Variants in SNRNP70 observed in about 807,000 individuals in gnomAD.
SNRNP70 encodes the protein small nuclear ribonucleoprotein U1 subunit 70.
A neutral mutation model predicts 50.5 loss-of-function variants in SNRNP70; 8 were observed. That is an observed-to-expected ratio of 0.16 (90% CI 0.09 to 0.29). The LOEUF (loss-of-function observed/expected upper bound fraction) is 0.29, where lower values mean the gene tolerates loss of function less well. Ranked by LOEUF, SNRNP70 falls within the 10% of genes least tolerant of loss-of-function variation. SNRNP70 has a pLI of 1.00. For synonymous variants in SNRNP70, 320 were observed against 252.9 expected (o/e 1.27, Z -2.52); for missense variants, 529 against 663.5 (o/e 0.80, Z 2.23).
rs1230579901 is a variant in SNRNP70 at position 49,104,549 on chromosome 19, C to T, written c.476-85C>T. 1.3e-5 allele frequency: 13 copies of T among 1,012,004 alleles called. No individual in the cohort carries two copies. The highest frequency in any genetic ancestry group is 1.0e-4 in the Admixed American group (5 of 49,836). The allele number at this position is 1,012,004 out of a possible 1,614,324, so 62.7% of individuals were successfully genotyped here. A position where few individuals can be genotyped will look rare whatever the true frequency, so the allele number is the denominator to read the frequency against. ...TGTGCGTGATGATGGGGACACGGGGCGGGGATTCTGTAGAGCTGGGCCTGT... is the reference window on the plus strand; with the variant it reads ...TGTGCGTGATGATGGGGACACGGGGTGGGGATTCTGTAGAGCTGGGCCTGT... On this transcript the variant is annotated intron_variant, in intron 7 of 9. Coordinates refer to ENST00000598441, the MANE Select transcript of SNRNP70 (RefSeq NM_003089.6). The surrounding 1 kb of genome is among the most constrained non-coding windows in gnomAD (Gnocchi z 5.4).
chr19:49,107,547 C>G lies in SNRNP70; in HGVS notation c.578-78C>G. 1 of 1,406,628 alleles carries G rather than the reference C, an allele frequency of 7.1e-7. No homozygotes were observed. Among genetic ancestry groups the G allele is most frequent in the South Asian group, 1.2e-5 (1 of 86,018 alleles). 87.1% of individuals were successfully genotyped at this position (1,406,628 alleles called of 1,614,324 possible). ...AGGGGCTGCCTTCCTGCCCTTTGCT[C>G]TTGGAGTCGGCTCATTTCTGCTCCT... On this transcript the variant is annotated intron_variant, in intron 8 of 9. Transcript: ENST00000598441. The surrounding 1 kb of genome is among the most constrained non-coding windows in gnomAD (Gnocchi z 6.0).
In SNRNP70 at chr19:49,108,314, G is replaced by C; in HGVS notation, c.1185G>C (p.Gly395=). The C allele has an allele frequency of 6.3e-7, 1 of 1,591,770 alleles. No homozygotes were observed. The highest frequency in any genetic ancestry group is 1.1e-5 in the South Asian group (1 of 88,134). ...GGGGCAGGGATGAGGCCCGAGGTGG[G>C]GGCGGTGGCCAGGACAACGGGCTGG... The part of the protein sequence containing the change: ...SERGRDEARG[G]GGGQDNGLEG... The change falls in exon 10 of 10, where the codon GGG becomes GGC. Residue 395 remains glycine (G), a synonymous_variant. Transcript: ENST00000598441.
At chr19:49,086,606 C>T (rs979311385) in intron 2 of SNRNP70, 45 bp downstream of exon 2, 1 of 1,588,066 alleles carries the variant, frequency 6.3e-7, no homozygotes, top group African/African-American at 1.3e-5. Flanking sequence ...TTCTGGGGAG[C>T]AACGGGTTGG....
rs148087681 is a variant in SNRNP70, at chr19:49,107,377, G to A, written c.578-248G>A. Among the ~76,000 whole-genome samples the A allele has an allele frequency of 2.0e-5, 3 of 152,356 alleles. No homozygotes were observed. Among genetic ancestry groups the A allele is most frequent in the Admixed American group, 1.3e-4 (2 of 15,306 alleles). On this transcript the variant is annotated intron_variant, in intron 8 of 9. Transcript: ENST00000598441. This position sits in a 1 kb window ranked among gnomAD's most constrained non-coding sequence, Gnocchi z 6.0. ...AAGTGCGCTATGGTTAAGATGATGC[G>A]CTTTGGGGCCAGACATGGGTTCCAG... is the stretch of plus-strand genomic sequence containing the variant.
At chr19:49,106,229 G>C (rs2040667106) in intron 8 of SNRNP70, among the ~76,000 whole-genome samples, 1 of 152,138 alleles carries the variant, frequency 6.6e-6, no homozygotes, top group Non-Finnish European at 1.5e-5. Context: ...GTTTCCTGTT[G>C]GGGCGGGAAA....
At chr19:49,085,699 T>TGG in intron 1 of SNRNP70, 63 bp downstream of exon 1, 1 of 453,752 alleles carries the variant, frequency 2.2e-6, no homozygotes, top group South Asian at 1.6e-5. Flanking sequence ...GCCCCAGCGG[T>TGG]GGGCCCGGTC....
At position 49,101,446 on chromosome 19, in the gene SNRNP70, G is replaced by A; in HGVS notation, c.450G>A (p.Glu150=). The part of the protein sequence containing the change: ...SGKPRGYAFI[E]YEHERDMHSA... ...AGCCCCGTGGCTATGCCTTCATCGA[G>A]TACGAACACGAGCGAGACATGCACT... The change falls in exon 7 of 10, where the codon GAG becomes GAA. Residue 150 remains glutamate (E), a synonymous_variant. Coordinates refer to ENST00000598441, the MANE Select transcript of SNRNP70 (RefSeq NM_003089.6). The A allele has an allele frequency of 6.2e-7, 1 of 1,613,856 alleles. No homozygotes were observed. The highest frequency in any genetic ancestry group is 8.5e-7 in the Non-Finnish European group (1 of 1,179,824).
At chr19:49,085,928 T>C (rs566427568) in intron 1 of SNRNP70, among the ~76,000 whole-genome samples, 1 of 152,176 alleles carries the variant, frequency 6.6e-6, no homozygotes, top group Non-Finnish European at 1.5e-5. Context: ...TTTTGCGGGG[T>C]CCAGGTCTGT....
In SNRNP70 at chr19:49,104,050, C is replaced by T. The variant is rs977565974; in HGVS notation, c.476-584C>T. The T allele has an allele frequency of 6.5e-6, 1 of 152,708 alleles. No homozygotes were observed. Among genetic ancestry groups the T allele is most frequent in the Admixed American group, 6.5e-5 (1 of 15,280 alleles). The allele number at this position is 152,708 out of a possible 1,614,324, so 9.5% of individuals were successfully genotyped here. On this transcript the variant is annotated intron_variant, in intron 7 of 9. Coordinates refer to ENST00000598441, the MANE Select transcript of SNRNP70 (RefSeq NM_003089.6). The surrounding 1 kb of genome is among the most constrained non-coding windows in gnomAD (Gnocchi z 5.4). ...CCCTGGGAGTGTATAACCCGCCTCTCTGCTCCCTGCCATTTCCTGAAGATT... is the reference window on the plus strand; with the variant it reads ...CCCTGGGAGTGTATAACCCGCCTCTTTGCTCCCTGCCATTTCCTGAAGATT...
At chr19:49,105,043 G>A (rs538691385) in intron 8 of SNRNP70, among the ~76,000 whole-genome samples, 13 of 152,136 alleles carry the variant, frequency 8.5e-5, no homozygotes, top group Non-Finnish European at 1.5e-4. Context: ...AAATAACCCC[G>A]AGTTCACTGA....
At chr19:49,086,863 T>C (rs2040386958) in intron 2 of SNRNP70, among the ~76,000 whole-genome samples, 1 of 145,518 alleles carries the variant, frequency 6.9e-6, no homozygotes, top group Non-Finnish European at 1.5e-5. Flanking sequence ...GAGCAGGACT[T>C]CGTCTCTCAA....
Position 49,107,161 on chromosome 19 carries a change from G to A in SNRNP70, c.578-464G>A, listed in dbSNP as rs1043458079. On this transcript the variant is annotated intron_variant, in intron 8 of 9. Transcript: ENST00000598441. This position sits in a 1 kb window ranked among gnomAD's most constrained non-coding sequence, Gnocchi z 6.0. ...AAAGGCCTGGGACACGCAGCCAAGA[G>A]CCGCGGCTCAGACGCTAGCAGGGCC... Among the ~76,000 whole-genome samples the A allele has an allele frequency of 6.6e-6, 1 of 152,232 alleles. No homozygotes were observed. Among genetic ancestry groups the A allele is most frequent in the Non-Finnish European group, 1.5e-5 (1 of 68,040 alleles).
Position 49,108,526 on chromosome 19 carries a change from C to G in SNRNP70, c.*83C>G. On this transcript the variant is annotated 3_prime_UTR_variant, in exon 10 of 10. Coordinates refer to ENST00000598441, the MANE Select transcript of SNRNP70 (RefSeq NM_003089.6). ...TCATCCCCTCCCCCAACCTTGGCCA[C>G]TTGAGTTTGTCCTCCAAGGGTAGGT... The G allele has an allele frequency of 6.6e-7, 1 of 1,503,782 alleles. No homozygotes were observed. The highest frequency in any genetic ancestry group is 2.5e-5 in the East Asian group (1 of 40,120). The allele number at this position is 1,503,782 out of a possible 1,614,324, so 93.2% of individuals were successfully genotyped here. A position where few individuals can be genotyped will look rare whatever the true frequency, so the allele number is the denominator to read the frequency against.
In SNRNP70 at chr19:49,108,104, G is replaced by C. The variant is rs763150739; in HGVS notation, c.975G>C (p.Ala325=). The change falls in exon 10 of 10, where the codon GCG becomes GCC. Residue 325 remains alanine, a synonymous_variant. Coordinates refer to ENST00000598441, the MANE Select transcript of SNRNP70 (RefSeq NM_003089.6). ...DMAEPSEAGD[A]PPDDGPPGEL... Reference sequence around the variant, plus strand: ...CGGAGCCCTCCGAGGCGGGTGACGCGCCCCCTGATGATGGGCCTCCAGGGG... The same window carrying C: ...CGGAGCCCTCCGAGGCGGGTGACGCCCCCCCTGATGATGGGCCTCCAGGGG... 1.3e-6 allele frequency: 2 copies of C among 1,548,998 alleles called. No homozygotes were observed. The highest frequency in any genetic ancestry group is 1.7e-4 in the Middle Eastern group (1 of 5,774).
intron 8 of SNRNP70, among the ~76,000 whole-genome samples, chr19:49,106,088 C>T (rs2040664731): frequency 6.6e-6 from 1 of 152,204 alleles, no homozygotes; most frequent in Non-Finnish European, 1.5e-5. Context: ...CCTCCCAGCC[C>T]TGTGTCCTGG....
chr19:49,102,068 G>A (rs1176235172), intron 7 of SNRNP70: 3 of 1,064,534 alleles, frequency 2.8e-6, no homozygotes, highest in East Asian at 5.9e-5. Flanking sequence ...GCTGCGGCGT[G>A]TCCAGGGGCC....
intron 7 of SNRNP70, chr19:49,103,326 C>T (rs2040615724): frequency 6.6e-6 from 1 of 152,644 alleles, no homozygotes; most frequent in African/African-American, 2.4e-5. Context: ...ACCACGTCCT[C>T]TGCCTGTCTC....
chr19:49,098,327 A>G, intron 4 of SNRNP70, 100 bp from the exon 5 acceptor site: 2 of 978,166 alleles, frequency 2.0e-6, no homozygotes, highest in Non-Finnish European at 3.1e-6. Flanking sequence ...GGCCTCTCCC[A>G]ATGCCACCGT....
At chr19:49,086,322 C>A (rs1600267676) in intron 1 of SNRNP70, 83 bp from the exon 2 acceptor site, 1 of 1,439,140 alleles carries the variant, frequency 6.9e-7, no homozygotes, top group Non-Finnish European at 9.4e-7. Context: ...TCCTGTCTTT[C>A]TTATTTTGAG....
Sources: gnomAD v4.1 joint callset for allele counts (sites outside exome capture counted in the v4.1 genomes callset) on GRCh38, gnomAD v4.1.1 for gene constraint, Gnocchi (gnomAD v3.1) non-coding constraint, MANE v1.5 for transcripts, NCBI Gene and HGNC (gene_info 2026-07-23, HGNC 2026-07-21) for gene names.